CHRM3: variants seen among roughly 807,000 people sequenced by gnomAD.
CHRM3 encodes muscarinic acetylcholine receptor M3.
A neutral mutation model predicts 41.8 loss-of-function variants in CHRM3; 11 were observed. That is an observed-to-expected ratio of 0.26 (90% CI 0.17 to 0.44). The LOEUF is 0.44. Among genes scored for constraint, CHRM3 ranks in the 20% least tolerant of loss-of-function variants. The pLI, the probability that CHRM3 is intolerant of heterozygous loss-of-function variation, is 1.00. For synonymous variants in CHRM3, 297 were observed against 301.4 expected, an observed-to-expected ratio of 0.99 and a Z score of 0.15; for missense variants, 571 against 745.4, an observed-to-expected ratio of 0.77 and a Z score of 2.72.
intron 5 of CHRM3, among the ~76,000 whole-genome samples, chr1:239,825,671 A>C (rs1672398779): frequency 1.3e-5 from 2 of 152,214 alleles, no homozygotes; most frequent in Non-Finnish European, 2.9e-5. Context: ...TAATATACAC[A>C]TACAATGGAA....
chr1:239,411,533 T>C (rs992991804), intron 1 of CHRM3, among the ~76,000 whole-genome samples: 17 of 151,922 alleles, frequency 1.1e-4, no homozygotes, highest in Non-Finnish European at 1.0e-4. Context: ...AAGACCAGCC[T>C]GGCCAACATG....
chr1:239,790,287 G>T (rs1669235128), intron 5 of CHRM3, among the ~76,000 whole-genome samples: 1 of 152,092 alleles, frequency 6.6e-6, no homozygotes, highest in South Asian at 2.1e-4. Flanking sequence ...GAGGGACCAG[G>T]GTAAGAATGA....
At chr1:239,469,336 T>A (rs1665947515) in intron 1 of CHRM3, among the ~76,000 whole-genome samples, 1 of 152,228 alleles carries the variant, frequency 6.6e-6, no homozygotes, top group Admixed American at 6.5e-5. Context: ...TTTAAATGTT[T>A]CTCTGTGCTG....
At chr1:239,605,981 T>C (rs1666196672) in intron 3 of CHRM3, 1 of 152,134 alleles carries the variant, frequency 6.6e-6, no homozygotes. Context: ...AGACTATTGG[T>C]CTTGTTTGCT....
At chr1:239,543,617 C>T (rs1005432636) in intron 2 of CHRM3, among the ~76,000 whole-genome samples, 2 of 151,956 alleles carry the variant, frequency 1.3e-5, no homozygotes, top group Non-Finnish European at 2.9e-5. Flanking sequence ...ACGCCATTCT[C>T]CTGCCTCAGC....
At chr1:239,699,887 C>T (rs910305264) in intron 5 of CHRM3, among the ~76,000 whole-genome samples, 1 of 152,130 alleles carries the variant, frequency 6.6e-6, no homozygotes, top group Non-Finnish European at 1.5e-5. Flanking sequence ...ATTAGTTAGA[C>T]TATCCGAACT....
intron 4 of CHRM3, among the ~76,000 whole-genome samples, chr1:239,647,194 T>C (rs1671812971): frequency 6.6e-6 from 1 of 152,160 alleles, no homozygotes; most frequent in Non-Finnish European, 1.5e-5. Flanking sequence ...CGTGACCCCA[T>C]TTATCCAATT....
At chr1:239,521,884 T>C (rs1669666227) in intron 2 of CHRM3, among the ~76,000 whole-genome samples, 3 of 152,174 alleles carry the variant, frequency 2.0e-5, no homozygotes, top group African/African-American at 4.8e-5. Context: ...TGATTTAAGA[T>C]ACATGGGAGA....
At position 239,387,267 on chromosome 1, in the gene CHRM3, G is replaced by C. The variant is rs1341202252; in HGVS notation, c.-521+40G>C. Reference sequence around the variant, plus strand: ...CGCCACCCAGGCGCTGGGCAGAGCGGGTGGCGGTAGCGGCTGACCTGGTTT... The same window carrying C: ...CGCCACCCAGGCGCTGGGCAGAGCGCGTGGCGGTAGCGGCTGACCTGGTTT... On this transcript the variant is annotated intron_variant, in intron 1 of 6. Coordinates refer to ENST00000676153, the MANE Select transcript of CHRM3 (RefSeq NM_001375978.1). The surrounding 1 kb of genome is among the most constrained non-coding windows in gnomAD (Gnocchi z 5.1). 6.6e-6 allele frequency: 1 copy of C among 151,986 alleles called. No individual in the cohort carries two copies. The highest frequency in any genetic ancestry group is 2.4e-5 in the African/African-American group (1 of 41,370). The allele number at this position is 151,986 out of a possible 1,614,324, so 9.4% of individuals were successfully genotyped here. A position where few individuals can be genotyped will look rare whatever the true frequency, so the allele number is the denominator to read the frequency against.
intron 1 of CHRM3, among the ~76,000 whole-genome samples, chr1:239,483,564 C>T (rs929971425): frequency 6.6e-6 from 1 of 152,202 alleles, no homozygotes; most frequent in Non-Finnish European, 1.5e-5. Context: ...ATCATTTTGA[C>T]AAGATGCTTT....
intron 3 of CHRM3, among the ~76,000 whole-genome samples, chr1:239,588,214 G>A (rs751803215): frequency 6.6e-5 from 10 of 152,170 alleles, no homozygotes; most frequent in Non-Finnish European, 1.5e-4. Flanking sequence ...GTGAGTAGAC[G>A]AGTCTAGGGA....
intron 2 of CHRM3, among the ~76,000 whole-genome samples, chr1:239,533,517 T>C (rs1030104701): frequency 6.6e-6 from 1 of 150,624 alleles, no homozygotes; most frequent in African/African-American, 2.4e-5. Flanking sequence ...GGGTGGATCA[T>C]CTAAGGTCAG....
rs552351713 is a variant in CHRM3, at chr1:239,682,244, C to T, written c.-147+3956C>T. Among the ~76,000 whole-genome samples, 26 of 152,232 alleles carry T rather than the reference C, an allele frequency of 1.7e-4. 1 individual carries two copies. In the South Asian group the frequency reaches 3.1e-3, roughly 18 times the overall value. On this transcript the variant is annotated intron_variant, in intron 5 of 6. Transcript: ENST00000676153. ...GGCCTCGTGTACAATTCTTCTCCTT[C>T]GTGAATAGAGCTGTAATGAGGTCAC...
intron 1 of CHRM3, among the ~76,000 whole-genome samples, chr1:239,458,020 A>G (rs1182206050): frequency 6.6e-6 from 1 of 152,072 alleles, no homozygotes; most frequent in African/African-American, 2.4e-5. Flanking sequence ...TTGTTCAGGA[A>G]AGTACGTGCC....
At chr1:239,555,541 T>G (rs1411928983) in intron 3 of CHRM3, among the ~76,000 whole-genome samples, 1 of 152,116 alleles carries the variant, frequency 6.6e-6, no homozygotes, top group East Asian at 1.9e-4. Context: ...ACGCCAGCAG[T>G]GTGCTGTGTC....
chr1:239,869,727 G>A (rs968476163), intron 6 of CHRM3, among the ~76,000 whole-genome samples: 1 of 152,136 alleles, frequency 6.6e-6, no homozygotes, highest in Non-Finnish European at 1.5e-5. Context: ...ATCTTTTTAT[G>A]TGCATATGTC....
chr1:239,897,816 G>A (rs895598256), intron 6 of CHRM3, among the ~76,000 whole-genome samples: 2 of 152,134 alleles, frequency 1.3e-5, no homozygotes, highest in African/African-American at 4.8e-5. Flanking sequence ...AACATCAGTC[G>A]AATCTAGGTT....
chr1:239,552,440 G>T (rs1659942030), intron 3 of CHRM3, among the ~76,000 whole-genome samples: 1 of 145,654 alleles, frequency 6.9e-6, no homozygotes, highest in South Asian at 2.1e-4. Flanking sequence ...TATATGTATA[G>T]ATGATATGTA....
chr1:239,674,709 C>CAAAA (rs34078965), intron 4 of CHRM3, among the ~76,000 whole-genome samples: 27 of 92,736 alleles, frequency 2.9e-4, no homozygotes, highest in African/African-American at 9.6e-4. Flanking sequence ...GACTCCATCT[C>CAAAA]AAAAAAAAAA....
Sources: allele counts gnomAD v4.1 joint callset (sites outside exome capture counted in the v4.1 genomes callset), GRCh38; gene constraint gnomAD v4.1.1; non-coding constraint Gnocchi (gnomAD v3.1); transcripts MANE v1.5; gene names NCBI Gene and HGNC (gene_info 2026-07-23, HGNC 2026-07-21).